Variants in PI4KA observed in about 807,000 individuals in gnomAD.
PI4KA encodes PI4-kinase alpha.
A neutral mutation model predicts 271.4 loss-of-function variants in PI4KA; 122 were observed. The ratio of observed to expected loss-of-function variants is 0.45; its 90% CI spans 0.39 to 0.52. The LOEUF (loss-of-function observed/expected upper bound fraction) is 0.52. Ranked by LOEUF, PI4KA falls within the 20% of genes least tolerant of loss-of-function variation. The pLI is 0.00. For missense variants in PI4KA, 1,969 were observed against 2,769.1 expected, an observed-to-expected ratio of 0.71 and a Z score of 6.48; for synonymous variants, 1,041 against 1,078.8, an observed-to-expected ratio of 0.96 and a Z score of 0.69.
Position 20,804,960 on chromosome 22 carries a change from G to A in PI4KA, c.1360+14C>T. 2 of 1,596,706 alleles carry A rather than the reference G, an allele frequency of 1.3e-6. No individual in the cohort carries two copies. The highest frequency in any genetic ancestry group is 1.7e-6 in the Non-Finnish European group (2 of 1,168,374). Reference sequence around the variant, plus strand: ...GCCTGGAGCTCACATGAGAGGCAAGGCAGTCTGTCTCACCCTGCTCGTCCT... The same window carrying A: ...GCCTGGAGCTCACATGAGAGGCAAGACAGTCTGTCTCACCCTGCTCGTCCT... On this transcript the variant is annotated intron_variant, in intron 11 of 54. Coordinates refer to ENST00000255882, the MANE Select transcript of PI4KA (RefSeq NM_058004.4).
At chr22:20,742,045 T>C (rs571371245) in intron 32 of PI4KA, among the ~76,000 whole-genome samples, 183 bp downstream of exon 32, 2 of 152,356 alleles carry the variant, frequency 1.3e-5, no homozygotes, top group Non-Finnish European at 2.9e-5. Flanking sequence ...GGGATGCTGT[T>C]AACATATATT....
chr22:20,759,844 T>C (rs5751874), intron 23 of PI4KA, among the ~76,000 whole-genome samples: 128,940 of 152,020 alleles, frequency 0.85, 55,301 homozygotes, highest in African/African-American at 0.96. Context: ...GGATTACAAG[T>C]GTGAGTCACC....
Position 20,785,707 on chromosome 22 carries a change from C to T in PI4KA, c.2328+7486G>A, listed in dbSNP as rs535848553. 4.6e-5 allele frequency among the ~76,000 whole-genome samples: 7 copies of T among 151,972 alleles called. 1 individual carries two copies. In the South Asian group the frequency reaches 1.5e-3, roughly 32 times the overall value. On this transcript the variant is annotated intron_variant, in intron 19 of 54. Coordinates refer to ENST00000255882, the MANE Select transcript of PI4KA (RefSeq NM_058004.4). ...CCAAACCAGAGAATTATTTTAGATG[C>T]CTTTTTAAACCATAAACCAGGAAAA...
At chr22:20,752,249 G>A (rs1159824657) in intron 25 of PI4KA, among the ~76,000 whole-genome samples, 3 of 152,212 alleles carry the variant, frequency 2.0e-5, no homozygotes, top group Non-Finnish European at 4.4e-5. Context: ...CACGCCACGT[G>A]TGTGCTGGAC....
At chr22:20,712,355 C>T in intron 50 of PI4KA, 131 bp downstream of exon 50, 1 of 1,547,752 alleles carries the variant, frequency 6.5e-7, no homozygotes, top group Non-Finnish European at 8.7e-7. Flanking sequence ...GTGCCCGGCC[C>T]AGGTGCCCTG....
chr22:20,785,811 A>C (rs574825788), intron 19 of PI4KA, among the ~76,000 whole-genome samples: 21 of 152,328 alleles, frequency 1.4e-4, no homozygotes, highest in African/African-American at 5.1e-4. Flanking sequence ...AACACACCTC[A>C]GTTTTCAGTA....
chr22:20,818,535 G>A lies in PI4KA; in HGVS notation c.804C>T (p.Arg268=), dbSNP rs143352122. The A allele has an allele frequency of 5.8e-6, 9 of 1,551,278 alleles. No homozygotes were observed. The highest frequency in any genetic ancestry group is 4.3e-5 in the African/African-American group (3 of 70,426). ...CAGGGGAACTGGGAGGGGGCATGCCGCGTTCAGGGCTGACCTGAAACACAC... is the reference window on the plus strand; with the variant it reads ...CAGGGGAACTGGGAGGGGGCATGCCACGTTCAGGGCTGACCTGAAACACAC... ...VSSISQVSPE[R]GMPPPSSPGG... The change falls in exon 7 of 55, where the codon CGC becomes CGT. Residue 268 remains arginine, a synonymous_variant. Transcript: ENST00000255882.
At chr22:20,741,064 T>G (rs1251034803) in intron 32 of PI4KA, among the ~76,000 whole-genome samples, 1 of 152,234 alleles carries the variant, frequency 6.6e-6, no homozygotes, top group Non-Finnish European at 1.5e-5. Flanking sequence ...TTGAAAGACT[T>G]TTGATTTTTT....
intron 23 of PI4KA, among the ~76,000 whole-genome samples, chr22:20,758,038 A>G (rs541309368): frequency 9.5e-4 from 145 of 152,144 alleles, no homozygotes; most frequent in African/African-American, 3.3e-3. Flanking sequence ...ATGGCTTTCA[A>G]TGTGGCCCAA....
chr22:20,768,370 C>T (rs945642367), intron 19 of PI4KA, among the ~76,000 whole-genome samples: 1 of 151,924 alleles, frequency 6.6e-6, no homozygotes, highest in Non-Finnish European at 1.5e-5. Context: ...CCACACTCAG[C>T]CAAGAATCAT....
chr22:20,721,277 G>C, intron 43 of PI4KA, 21 bp downstream of exon 43: 1 of 1,613,396 alleles, frequency 6.2e-7, no homozygotes, highest in South Asian at 1.1e-5. Context: ...AGTGAGGCCT[G>C]TGGGAGGACA....
intron 28 of PI4KA, among the ~76,000 whole-genome samples, chr22:20,748,853 A>G (rs1930386149): frequency 6.6e-6 from 1 of 152,086 alleles, no homozygotes; most frequent in Non-Finnish European, 1.5e-5. Context: ...AGATTCGGGG[A>G]AGGCTGAGGC....
At chr22:20,833,657 G>GTTTTTTTTTTTT (rs361962) in intron 3 of PI4KA, among the ~76,000 whole-genome samples, 4 of 73,080 alleles carry the variant, frequency 5.5e-5, no homozygotes, top group Non-Finnish European at 7.7e-5. Flanking sequence ...GTTTGTTTTT[G>GTTTTTTTTTTTT]TTTTTTTTTT....
intron 19 of PI4KA, among the ~76,000 whole-genome samples, chr22:20,773,164 T>C (rs1027465757): frequency 1.3e-5 from 2 of 152,016 alleles, no homozygotes; most frequent in Admixed American, 1.3e-4. Flanking sequence ...GACGGGAGGA[T>C]CACTTCACTC....
intron 45 of PI4KA, among the ~76,000 whole-genome samples, chr22:20,715,556 C>A (rs1239052794): frequency 6.6e-6 from 1 of 151,726 alleles, no homozygotes; most frequent in Non-Finnish European, 1.5e-5. Flanking sequence ...CTCACTGCAA[C>A]CTACGCCTCC....
At chr22:20,726,626 T>C in intron 41 of PI4KA, 85 bp from the exon 42 acceptor site, 1 of 1,233,706 alleles carries the variant, frequency 8.1e-7, no homozygotes, top group Non-Finnish European at 1.1e-6. Flanking sequence ...CTGCTTCTGC[T>C]CTGCCCACAG....
At chr22:20,708,243 C>G (rs1189696712) in intron 54 of PI4KA, 145 bp from the exon 55 acceptor site, 11 of 719,774 alleles carry the variant, frequency 1.5e-5, no homozygotes, top group African/African-American at 7.0e-5. Context: ...TGCCCTCCCC[C>G]ACCCAGTGAC....
rs142880400 is a variant in PI4KA, at chr22:20,805,148, C to T, written c.1186G>A (p.Val396Met). 1 of 1,613,600 alleles carries T rather than the reference C, an allele frequency of 6.2e-7. No homozygotes were observed. The highest frequency in any genetic ancestry group is 8.5e-7 in the Non-Finnish European group (1 of 1,179,784). The change falls in exon 11 of 55, where the codon GTG becomes ATG. Residue 396 changes from valine (V) to methionine (M), a missense_variant. Val to Met is a conservative substitution (Grantham distance 21). This residue lies in a region of PI4KA where 540 missense variants were observed against 555.5 expected (regional missense o/e 0.97). Coordinates refer to ENST00000255882, the MANE Select transcript of PI4KA (RefSeq NM_058004.4). ...YYMKDLPTSF[V>M]KEIHDFVLEQ... ...AGCACAAAATCATGGATCTCCTTCA[C>T]AAAAGAGGTCGGGAGGTCTGTAGGA...
chr22:20,853,606 C>T (rs1191269000), intron 1 of PI4KA, among the ~76,000 whole-genome samples: 1 of 152,202 alleles, frequency 6.6e-6, no homozygotes, highest in Non-Finnish European at 1.5e-5. Flanking sequence ...GCTTCACAGA[C>T]AGAGTGTCCT....
Sources: allele counts gnomAD v4.1 joint callset (sites outside exome capture counted in the v4.1 genomes callset), GRCh38; gene constraint gnomAD v4.1.1; regional missense constraint gnomAD v4.1.1; transcripts MANE v1.5; gene names NCBI Gene and HGNC (gene_info 2026-07-23, HGNC 2026-07-21).